The following NBEA variants were observed in gnomAD, a reference collection of about 807,000 sequenced individuals.
NBEA encodes lysosomal-trafficking regulator 2.
In NBEA, 44 loss-of-function variants were observed where a neutral mutation model predicts 343.4. The observed-to-expected ratio is 0.13, with a 90% CI of 0.10 to 0.16. The LOEUF (loss-of-function observed/expected upper bound fraction) is 0.16. NBEA is among the 10% of genes least tolerant of loss of function. NBEA has a pLI of 1.00. For synonymous variants in NBEA, 1,175 were observed against 1,238.7 expected, an observed-to-expected ratio of 0.95 and a Z score of 1.08; for missense variants, 2,555 against 3,631.3, an observed-to-expected ratio of 0.70 and a Z score of 7.62.
chr13:35,095,013 G>C (rs1203025601), intron 10 of NBEA, among the ~76,000 whole-genome samples: 1 of 151,582 alleles, frequency 6.6e-6, no homozygotes, highest in Non-Finnish European at 1.5e-5. Context: ...ATCTAGCTGT[G>C]GTACTTAGCT....
chr13:35,212,508 G>A (rs1366663090), intron 33 of NBEA, among the ~76,000 whole-genome samples: 3 of 152,044 alleles, frequency 2.0e-5, no homozygotes, highest in African/African-American at 7.2e-5. Flanking sequence ...ACTATTACAT[G>A]TGTGTACTGC....
intron 11 of NBEA, among the ~76,000 whole-genome samples, chr13:35,104,736 T>A (rs1456727261): frequency 2.0e-5 from 3 of 151,966 alleles, no homozygotes; most frequent in Non-Finnish European, 2.9e-5. Context: ...GAGGCCTTTT[T>A]ATTAATAACA....
intron 1 of NBEA, among the ~76,000 whole-genome samples, chr13:35,017,327 G>C (rs554768993): frequency 4.6e-5 from 7 of 152,300 alleles, no homozygotes; most frequent in Admixed American, 2.6e-4. Context: ...GTTGGGTACT[G>C]AGAGTGCTGA....
At position 35,165,161 on chromosome 13, in the gene NBEA, T is replaced by G. The variant is rs2069898785; in HGVS notation, c.4233+652T>G. 4 of 530,404 alleles carry G rather than the reference T, an allele frequency of 7.5e-6. No homozygotes were observed. In the Admixed American group the frequency reaches 7.9e-5, roughly 10 times the overall value. 32.9% of individuals were successfully genotyped at this position (530,404 alleles called of 1,614,324 possible). A position where few individuals can be genotyped will look rare whatever the true frequency, so the allele number is the denominator to read the frequency against. On this transcript the variant is annotated intron_variant, in intron 24 of 58. Coordinates refer to ENST00000379939, the MANE Select transcript of NBEA (RefSeq NM_001385012.1). ...GCATACCTTTGCCAGAGGGAAATAT[T>G]TCATTTTACTAAGATGTGCTTTAGT...
At chr13:35,119,542 TGAA>T (rs2152671641) in intron 16 of NBEA, among the ~76,000 whole-genome samples, 1 of 152,294 alleles carries the variant, frequency 6.6e-6, no homozygotes, top group East Asian at 1.9e-4. Context: ...CCAATCTATT[TGAA>T]GAAGATTATA....
intron 1 of NBEA, among the ~76,000 whole-genome samples, chr13:35,021,180 G>C (rs1204222570): frequency 6.6e-6 from 1 of 151,830 alleles, no homozygotes; most frequent in Non-Finnish European, 1.5e-5. Flanking sequence ...TTGCCTATCT[G>C]CTGGCTGCCT....
intron 45 of NBEA, among the ~76,000 whole-genome samples, chr13:35,573,021 A>G (rs915836202): frequency 3.3e-5 from 5 of 152,202 alleles, no homozygotes; most frequent in African/African-American, 1.2e-4. Flanking sequence ...GTAAATGTGT[A>G]AATATAATTA....
At position 35,552,119 on chromosome 13, in the gene NBEA, G is replaced by A. The variant is rs144573164; in HGVS notation, c.6806+1087G>A. Among the ~76,000 whole-genome samples the A allele has an allele frequency of 7.2e-5, 11 of 152,312 alleles. No homozygotes were observed. In the East Asian group the frequency reaches 2.1e-3, roughly 29 times the overall value. ...TAGATACAACAATGTCTACCACATA[G>A]ACTGTTATGTCCTTGAGAATTATTA... On this transcript the variant is annotated intron_variant, in intron 43 of 58. Coordinates refer to ENST00000379939, the MANE Select transcript of NBEA (RefSeq NM_001385012.1).
At chr13:35,272,190 G>A (rs979088529) in intron 34 of NBEA, among the ~76,000 whole-genome samples, 1 of 152,080 alleles carries the variant, frequency 6.6e-6, no homozygotes, top group Non-Finnish European at 1.5e-5. Flanking sequence ...GAAGAGAGTG[G>A]GGCCAATATT....
intron 47 of NBEA, among the ~76,000 whole-genome samples, chr13:35,602,299 A>G (rs967196489): frequency 1.3e-5 from 2 of 152,230 alleles, no homozygotes; most frequent in African/African-American, 4.8e-5. Context: ...CTTTAAATAA[A>G]ACTTGCTATT....
At chr13:35,256,214 G>C (rs914277947) in intron 34 of NBEA, among the ~76,000 whole-genome samples, 3 of 151,866 alleles carry the variant, frequency 2.0e-5, no homozygotes, top group Non-Finnish European at 4.4e-5. Context: ...AGCTCTGATC[G>C]GAGAGGAGAC....
chr13:35,338,024 C>T (rs1367034172), intron 36 of NBEA, among the ~76,000 whole-genome samples: 1 of 151,610 alleles, frequency 6.6e-6, no homozygotes, highest in South Asian at 2.1e-4. Context: ...AATAAGAAAA[C>T]ATTAACATAA....
chr13:35,117,350 A>G, intron 13 of NBEA, 64 bp from the exon 14 acceptor site: 1 of 772,534 alleles, frequency 1.3e-6, no homozygotes, highest in Middle Eastern at 4.5e-4. Context: ...TCCCAAGATA[A>G]TTGCATTTAG....
At chr13:35,393,261 A>AT (rs759404775) in intron 38 of NBEA, among the ~76,000 whole-genome samples, 1 of 152,128 alleles carries the variant, frequency 6.6e-6, no homozygotes, top group Non-Finnish European at 1.5e-5. Context: ...TAAAAAAATG[A>AT]TTTTTTAAAT....
In NBEA at chr13:34,942,936, G is replaced by A. The variant is rs1405675802; in HGVS notation, c.116G>A (p.Gly39Asp). 5.7e-6 allele frequency: 9 copies of A among 1,565,336 alleles called. No individual in the cohort carries two copies. Among genetic ancestry groups the A allele is most frequent in the South Asian group, 1.2e-5 (1 of 86,566 alleles). ...GGCAGCGGTGGTGGCGGCACCGGGGGCAGCGGGATGGGGGAGCTAAGGGGG... is the reference window on the plus strand; with the variant it reads ...GGCAGCGGTGGTGGCGGCACCGGGGACAGCGGGATGGGGGAGCTAAGGGGG... ...GGGSGGGGTG[G>D]SGMGELRGAS... The change falls in exon 1 of 59, where the codon GGC becomes GAC. Residue 39 changes from glycine to aspartate, a missense_variant. This residue lies in a region of NBEA where 122 missense variants were observed against 91.0 expected (regional missense o/e 1.34). Coordinates refer to ENST00000379939, the MANE Select transcript of NBEA (RefSeq NM_001385012.1).
intron 34 of NBEA, among the ~76,000 whole-genome samples, chr13:35,240,975 T>G (rs1021491305): frequency 4.0e-5 from 6 of 151,864 alleles, no homozygotes; most frequent in African/African-American, 1.4e-4. Context: ...TAAAAATTCT[T>G]GAATGACGTT....
At chr13:35,184,759 A>T (rs1427724382) in intron 30 of NBEA, among the ~76,000 whole-genome samples, 6 of 152,128 alleles carry the variant, frequency 3.9e-5, no homozygotes, top group Non-Finnish European at 8.8e-5. Flanking sequence ...GAAAAAAATG[A>T]CAATTTTAGA....
chr13:35,046,526 G>A (rs1347556134), intron 4 of NBEA, among the ~76,000 whole-genome samples: 1 of 151,966 alleles, frequency 6.6e-6, no homozygotes, highest in African/African-American at 2.4e-5. Flanking sequence ...CTGTCTCAGT[G>A]GATACCTGAA....
intron 41 of NBEA, among the ~76,000 whole-genome samples, chr13:35,531,503 A>C (rs1165672450): frequency 6.6e-6 from 1 of 152,136 alleles, no homozygotes; most frequent in Non-Finnish European, 1.5e-5. Flanking sequence ...CATTGGTGTA[A>C]TAAGTAGTGT....
Sources: allele counts gnomAD v4.1 joint callset (sites outside exome capture counted in the v4.1 genomes callset), GRCh38; gene constraint gnomAD v4.1.1; regional missense constraint gnomAD v4.1.1; transcripts MANE v1.5; gene names NCBI Gene and HGNC (gene_info 2026-07-23, HGNC 2026-07-21).